Variants in GPR153 observed in about 807,000 individuals in gnomAD.
The protein encoded by GPR153 is probable G protein-coupled receptor 153.
A neutral mutation model predicts 34.1 loss-of-function variants in GPR153; 27 were observed. The ratio of observed to expected loss-of-function variants is 0.79; its 90% confidence interval spans 0.58 to 1.09. The LOEUF is 1.09. Among genes scored for constraint, GPR153 ranks in the 50% least tolerant of loss-of-function variants. The pLI, the probability that GPR153 is intolerant of heterozygous loss-of-function variation, is 0.00. For missense variants in GPR153, 848 were observed against 860.2 expected (o/e 0.99, Z 0.18); for synonymous variants, 408 against 405.4 (o/e 1.01, Z -0.08).
chr1:6,260,230 G>A (rs1638640308), intron 1 of GPR153, among the ~76,000 whole-genome samples: 1 of 151,540 alleles, frequency 6.6e-6, no homozygotes, highest in East Asian at 2.0e-4. Flanking sequence ...CCCCCACGCC[G>A]GTCTCCGCCC....
At chr1:6,255,552 G>A (rs1254275567) in intron 1 of GPR153, among the ~76,000 whole-genome samples, 2 of 149,742 alleles carry the variant, frequency 1.3e-5, no homozygotes, top group African/African-American at 4.9e-5. Context: ...ATAGCTCACT[G>A]TGGCATGGAA....
In GPR153 at chr1:6,249,557, G is replaced by A; in HGVS notation, c.1611C>T (p.Ala537=). ...AAPDGADPGE[A]PTPPSSAQRS... Reference sequence around the variant, plus strand: ...GCTGGGCGCTGCTTGGGGGCGTCGGGGCCTCTCCGGGATCTGCGCCGTCGG... The same window carrying A: ...GCTGGGCGCTGCTTGGGGGCGTCGGAGCCTCTCCGGGATCTGCGCCGTCGG... The change falls in exon 6 of 6, where the codon GCC becomes GCT. Residue 537 remains alanine (A), a synonymous_variant. Transcript: ENST00000377893. This position sits in a 1 kb window ranked among gnomAD's most constrained non-coding sequence, Gnocchi z 4.3. The A allele has an allele frequency of 8.4e-7, 1 of 1,190,248 alleles. No homozygotes were observed. Among genetic ancestry groups the A allele is most frequent in the Non-Finnish European group, 1.0e-6 (1 of 961,572 alleles). 73.7% of individuals were successfully genotyped at this position (1,190,248 alleles called of 1,614,324 possible).
intron 1 of GPR153, among the ~76,000 whole-genome samples, chr1:6,260,105 G>A (rs1024249353): frequency 1.2e-4 from 19 of 152,180 alleles, no homozygotes; most frequent in African/African-American, 4.1e-4. Context: ...GGGCCGGGGC[G>A]TGACGTCACA....
chr1:6,257,762 C>T (rs1353400614), intron 1 of GPR153, among the ~76,000 whole-genome samples: 4 of 152,334 alleles, frequency 2.6e-5, no homozygotes, highest in Middle Eastern at 3.4e-3. Flanking sequence ...TGGCGGGGAG[C>T]GGGGAAGCAC....
intron 3 of GPR153, among the ~76,000 whole-genome samples, chr1:6,252,926 G>A (rs11808644): frequency 0.033 from 5,091 of 152,160 alleles, 204 homozygotes; most frequent in African/African-American, 0.095. Flanking sequence ...TTCCCCAGCC[G>A]TTAGTATCAA....
chr1:6,259,232 A>G (rs1331064682), intron 1 of GPR153, among the ~76,000 whole-genome samples: 1 of 152,184 alleles, frequency 6.6e-6, no homozygotes, highest in Non-Finnish European at 1.5e-5. Context: ...ACTGCACTCT[A>G]GCCTGAGCAA....
chr1:6,258,349 G>A (rs1179211801), intron 1 of GPR153, among the ~76,000 whole-genome samples: 5 of 152,080 alleles, frequency 3.3e-5, no homozygotes, highest in African/African-American at 1.2e-4. Flanking sequence ...GGCTGGTCTC[G>A]AACTCCTGAC....
At chr1:6,256,409 C>T (rs563161403) in intron 1 of GPR153, among the ~76,000 whole-genome samples, 17 of 145,226 alleles carry the variant, frequency 1.2e-4, no homozygotes, top group African/African-American at 2.5e-4. Flanking sequence ...CTTGCTCTGT[C>T]GCCCAGGCTG....
intron 5 of GPR153, 199 bp from the exon 6 acceptor site, chr1:6,250,202 G>A (rs1036489420): frequency 1.1e-5 from 11 of 985,310 alleles, no homozygotes; most frequent in Admixed American, 6.1e-5. Context: ...GGTTGGGGAG[G>A]GCGCTCGTTG....
chr1:6,254,717 G>A lies in GPR153; in HGVS notation c.189C>T (p.Thr63=). The change falls in exon 2 of 6, where the codon ACC becomes ACT. Residue 63 remains threonine, a synonymous_variant. Transcript: ENST00000377893. ...GCCGCCGCAGCTGCACCACGGAGTAGGTGGCGATGGGCACGGCCACATTTA... is the reference window on the plus strand; with the variant it reads ...GCCGCCGCAGCTGCACCACGGAGTAAGTGGCGATGGGCACGGCCACATTTA... ...HMLNVAVPIA[T]YSVVQLRRQR... is the part of the protein sequence containing the mutation. 1 of 1,613,806 alleles carries A rather than the reference G, an allele frequency of 6.2e-7. No individual in the cohort carries two copies. The highest frequency in any genetic ancestry group is 1.3e-5 in the African/African-American group (1 of 75,024).
At position 6,249,343 on chromosome 1, in the gene GPR153, A is replaced by T. The variant is rs968376956; in HGVS notation, c.1825T>A (p.Ser609Thr). ...GTGGGGAGGCGCCGGCGGTCCTAGG[A>T]CGCGGAGCCCAGCGAGTCCGAGTGC... Reference protein sequence around the residue: ...TLHSDSLGSAS With the variant: ...TLHSDSLGSAT Residue 609 changes from serine (S) to threonine (T), a missense_variant, in exon 6 of 6, where the codon TCC (serine) becomes ACC (threonine). Coordinates refer to ENST00000377893, the MANE Select transcript of GPR153 (RefSeq NM_207370.4). The surrounding 1 kb of genome is among the most constrained non-coding windows in gnomAD (Gnocchi z 4.3). The T allele has an allele frequency of 1.5e-6, 2 of 1,303,144 alleles. No individual in the cohort carries two copies. Among genetic ancestry groups the T allele is most frequent in the Non-Finnish European group, 1.9e-6 (2 of 1,027,462 alleles). The allele number at this position is 1,303,144 out of a possible 1,614,324, so 80.7% of individuals were successfully genotyped here.
chr1:6,249,893 C>A lies in GPR153; in HGVS notation c.1275G>T (p.Ala425=). 7.7e-7 allele frequency: 1 copy of A among 1,294,506 alleles called. No individual in the cohort carries two copies. Among genetic ancestry groups the A allele is most frequent in the Non-Finnish European group, 9.8e-7 (1 of 1,017,574 alleles). The allele number at this position is 1,294,506 out of a possible 1,614,324, so 80.2% of individuals were successfully genotyped here. A position where few individuals can be genotyped will look rare whatever the true frequency, so the allele number is the denominator to read the frequency against. Residue 425 remains alanine, a synonymous_variant, in exon 6 of 6, where the codon GCG becomes GCT. Transcript: ENST00000377893. The surrounding 1 kb of genome is among the most constrained non-coding windows in gnomAD (Gnocchi z 4.3). ...WGSGEDLAAL[A]HLVLPAGPER... ...CGGGCCCGGCAGGCAGCACCAGGTGCGCCAGGGCGGCCAGGTCCTCGCCGG... is the reference window on the plus strand; with the variant it reads ...CGGGCCCGGCAGGCAGCACCAGGTGAGCCAGGGCGGCCAGGTCCTCGCCGG...
At position 6,249,910 on chromosome 1, in the gene GPR153, C is replaced by T. The variant is rs1638400837; in HGVS notation, c.1258G>A (p.Asp420Asn). 6.2e-6 allele frequency: 8 copies of T among 1,289,742 alleles called. No individual in the cohort carries two copies. Among genetic ancestry groups the T allele is most frequent in the Middle Eastern group, 3.0e-4 (1 of 3,324 alleles). The allele number at this position is 1,289,742 out of a possible 1,614,324, so 79.9% of individuals were successfully genotyped here. A position where few individuals can be genotyped will look rare whatever the true frequency, so the allele number is the denominator to read the frequency against. Residue 420 changes from aspartate to asparagine, a missense_variant, in exon 6 of 6, where the codon GAC becomes AAC. Physicochemically the swap from Asp to Asn is conservative, Grantham distance 23 (BLOSUM62 1). Coordinates refer to ENST00000377893, the MANE Select transcript of GPR153 (RefSeq NM_207370.4). The surrounding 1 kb of genome is among the most constrained non-coding windows in gnomAD (Gnocchi z 4.3). ...ACCAGGTGCGCCAGGGCGGCCAGGT[C>T]CTCGCCGGAGCCCCAGCGCGGCAGG... ...AFLPRWGSGE[D>N]LAALAHLVLP...
chr1:6,254,511 G>C (rs778610459), intron 2 of GPR153, 39 bp downstream of exon 2: 3 of 1,498,814 alleles, frequency 2.0e-6, no homozygotes, highest in Non-Finnish European at 1.8e-6. Flanking sequence ...TTTCACGCCT[G>C]CTTAGAACCC....
intron 1 of GPR153, among the ~76,000 whole-genome samples, chr1:6,259,701 A>T (rs1638631229): frequency 6.6e-6 from 1 of 152,182 alleles, no homozygotes; most frequent in South Asian, 2.1e-4. Context: ...CCTGGGGGAC[A>T]GGGCGTGGAC....
Position 6,249,313 on chromosome 1 carries a change from C to A in GPR153, c.*25G>T. ...CCGGAGAGCGGCCTGGCCTGCCTGG[C>A]GTCCGTGGGGAGGCGCCGGCGGTCC... On this transcript the variant is annotated 3_prime_UTR_variant, in exon 6 of 6. Coordinates refer to ENST00000377893, the MANE Select transcript of GPR153 (RefSeq NM_207370.4). The surrounding 1 kb of genome is among the most constrained non-coding windows in gnomAD (Gnocchi z 4.3). 4 of 1,255,642 alleles carry A rather than the reference C, an allele frequency of 3.2e-6. No homozygotes were observed. Among genetic ancestry groups the A allele is most frequent in the Non-Finnish European group, 4.0e-6 (4 of 1,000,540 alleles). The allele number at this position is 1,255,642 out of a possible 1,614,324, so 77.8% of individuals were successfully genotyped here. A position where few individuals can be genotyped will look rare whatever the true frequency, so the allele number is the denominator to read the frequency against.
chr1:6,255,654 T>TGTTG (rs1307828600), intron 1 of GPR153, among the ~76,000 whole-genome samples: 2 of 128,556 alleles, frequency 1.6e-5, no homozygotes, highest in African/African-American at 6.6e-5. Context: ...TTTTTTTTTT[T>TGTTG]TTTTTTTTTT....
At chr1:6,253,207 C>T (rs1370767858) in intron 3 of GPR153, among the ~76,000 whole-genome samples, 5 of 152,086 alleles carry the variant, frequency 3.3e-5, no homozygotes, top group Admixed American at 2.6e-4. Context: ...GCCTGACTAA[C>T]ATGGTGAAAA....
chr1:6,255,640 ACG>A (rs1638550278), intron 1 of GPR153, among the ~76,000 whole-genome samples: 1 of 67,796 alleles, frequency 1.5e-5, no homozygotes, highest in African/African-American at 6.7e-5. Flanking sequence ...ATGCCTGGCT[ACG>A]TTTTTTTTTT....
Sources: allele counts gnomAD v4.1 joint callset (sites outside exome capture counted in the v4.1 genomes callset), GRCh38; gene constraint gnomAD v4.1.1; non-coding constraint Gnocchi (gnomAD v3.1); transcripts MANE v1.5; gene names NCBI Gene and HGNC (gene_info 2026-07-23, HGNC 2026-07-21).